IDO1: variants seen among roughly 807,000 people sequenced by gnomAD.
IDO1 encodes the protein indoleamine 2,3-dioxygenase 1, also known as indolamine 2,3 dioxygenase.
IDO1 carries 35 observed loss-of-function variants against 38.8 expected under a neutral mutation model. That is an observed-to-expected ratio of 0.90 (90% CI 0.69 to 1.20). The LOEUF (loss-of-function observed/expected upper bound fraction) is 1.20, where lower values mean the gene tolerates loss of function less well. IDO1 is among the 50% of genes most tolerant of loss of function. The pLI is 0.00. For synonymous variants in IDO1, 171 were observed against 170.0 expected (o/e 1.01, Z -0.05); for missense variants, 509 against 485.1 (o/e 1.05, Z -0.46).
intron 9 of IDO1, among the ~76,000 whole-genome samples, chr8:39,927,110 G>A (rs1035114170): frequency 6.6e-6 from 1 of 152,058 alleles, no homozygotes; most frequent in Admixed American, 6.6e-5. Flanking sequence ...CCATTGATGG[G>A]CACCTGGGTT....
Position 39,925,304 on chromosome 8 carries a change from T to C in IDO1, c.789T>C (p.Ser263=). The C allele has an allele frequency of 6.2e-7, 1 of 1,613,276 alleles. No individual in the cohort carries two copies. The change falls in exon 9 of 10, where the codon AGT becomes AGC. Residue 263 remains serine, a synonymous_variant. Coordinates refer to ENST00000518237, the MANE Select transcript of IDO1 (RefSeq NM_002164.6). ...WEDPKEFAGG[S]AGQSSVFQCF... is the part of the protein sequence containing the mutation. The stretch of plus-strand genomic sequence containing the variant: ...ACCCAAAGGAGTTTGCAGGGGGCAG[T>C]GCAGGCCAAAGCAGCGTCTTTCAGT...
intron 9 of IDO1, among the ~76,000 whole-genome samples, chr8:39,927,064 T>C (rs1476004081): frequency 6.6e-6 from 1 of 152,182 alleles, no homozygotes; most frequent in Non-Finnish European, 1.5e-5. Context: ...TAGTATTCCA[T>C]GGTGTACATG....
intron 9 of IDO1, among the ~76,000 whole-genome samples, chr8:39,926,494 G>C (rs1408203759): frequency 6.6e-6 from 1 of 152,134 alleles, no homozygotes; most frequent in African/African-American, 2.4e-5. Context: ...AAAGTTTAAA[G>C]GTGAGCCACA....
intron 9 of IDO1, among the ~76,000 whole-genome samples, chr8:39,927,303 G>A (rs1247056595): frequency 6.6e-6 from 1 of 152,208 alleles, no homozygotes; most frequent in African/African-American, 2.4e-5. Context: ...GCTCATGCCT[G>A]TAATCCCAGC....
intron 8 of IDO1, 69 bp downstream of exon 8, chr8:39,924,841 G>A (rs1807335711): frequency 8.7e-7 from 1 of 1,150,784 alleles, no homozygotes; most frequent in East Asian, 2.4e-5. Context: ...TCTCTTGGTT[G>A]GTCCCTAATA....
intron 1 of IDO1, 186 bp downstream of exon 1, chr8:39,914,195 A>C (rs1230783641): frequency 5.8e-5 from 31 of 535,408 alleles, no homozygotes; most frequent in Non-Finnish European, 8.7e-5. Context: ...TCTCCCTAGA[A>C]ATGGAGTCAT....
rs1159432826 is a variant in IDO1, at chr8:39,927,992, T to C, written c.1019T>C (p.Val340Ala). 6.2e-7 allele frequency: 1 copy of C among 1,605,360 alleles called. No individual in the cohort carries two copies. The highest frequency in any genetic ancestry group is 2.2e-5 in the East Asian group (1 of 44,706). ...EAYDACVKAL[V>A]SLRSYHLQIV... ...TATGACGCCTGTGTGAAAGCTCTGG[T>C]CTCCCTGAGGAGCTACCATCTGCAA... Residue 340 changes from valine to alanine, a missense_variant, in exon 10 of 10, where the codon GTC (valine) becomes GCC (alanine). Physicochemically the swap from Val to Ala is moderately conservative, Grantham distance 64. Transcript: ENST00000518237.
intron 7 of IDO1, among the ~76,000 whole-genome samples, chr8:39,924,381 T>A (rs1450396100): frequency 6.6e-6 from 1 of 152,132 alleles, no homozygotes; most frequent in Non-Finnish European, 1.5e-5. Flanking sequence ...TTAAAAATTT[T>A]AAAAATAGAG....
rs772970602 is a variant in IDO1, at chr8:39,923,516, T to G, written c.585T>G (p.Thr195=). The part of the protein sequence containing the change: ...FKAMQMQERD[T]LLKALLEIAS... ...CAATGCAAATGCAAGAACGGGACAC[T>G]TTGCTAAAGGCGCTGTTGGAAATAG... The change falls in exon 7 of 10, where the codon ACT becomes ACG. Residue 195 remains threonine (T), a synonymous_variant. Coordinates refer to ENST00000518237, the MANE Select transcript of IDO1 (RefSeq NM_002164.6). 6.2e-7 allele frequency: 1 copy of G among 1,613,780 alleles called. No individual in the cohort carries two copies. The highest frequency in any genetic ancestry group is 1.7e-5 in the Admixed American group (1 of 60,016).
At chr8:39,922,712 G>A (rs77622610) in intron 6 of IDO1, 61 bp downstream of exon 6, 46,829 of 1,106,552 alleles carry the variant, frequency 0.042, 1,151 homozygotes, top group Non-Finnish European at 0.052. Context: ...CAATCACTTC[G>A]GAGCCTAAAC....
At chr8:39,919,201 C>T (rs759615158) in intron 4 of IDO1, among the ~76,000 whole-genome samples, 1 of 152,138 alleles carries the variant, frequency 6.6e-6, no homozygotes, top group Non-Finnish European at 1.5e-5. Context: ...CATACATACA[C>T]CCACCATTCT....
intron 1 of IDO1, among the ~76,000 whole-genome samples, chr8:39,914,885 C>G (rs933298925): frequency 1.1e-4 from 17 of 152,158 alleles, no homozygotes; most frequent in African/African-American, 4.1e-4. Flanking sequence ...CCTGCCTCAG[C>G]CTCCCAAGTA....
intron 1 of IDO1, among the ~76,000 whole-genome samples, chr8:39,915,187 CAG>C (rs1477781975): frequency 6.6e-6 from 1 of 152,172 alleles, no homozygotes; most frequent in Admixed American, 6.5e-5. Flanking sequence ...AGCCTGTCTC[CAG>C]AGTCTATGAT....
chr8:39,923,701 G>T, intron 7 of IDO1, 115 bp downstream of exon 7: 1 of 597,992 alleles, frequency 1.7e-6, no homozygotes, highest in Non-Finnish European at 3.0e-6. Flanking sequence ...TTTCACTTTA[G>T]GTATTTTATC....
intron 4 of IDO1, 101 bp from the exon 5 acceptor site, chr8:39,919,999 T>C (rs926484949): frequency 8.0e-6 from 8 of 1,001,352 alleles, no homozygotes; most frequent in Admixed American, 3.5e-5. Context: ...CCTCTGATAG[T>C]AGCATTCAAT....
At chr8:39,924,444 T>C (rs1807327080) in intron 7 of IDO1, among the ~76,000 whole-genome samples, 1 of 152,180 alleles carries the variant, frequency 6.6e-6, no homozygotes, top group African/African-American at 2.4e-5. Flanking sequence ...TTTGTTTTTT[T>C]TTGTCTTTGG....
intron 6 of IDO1, 62 bp from the exon 7 acceptor site, chr8:39,923,402 TCAAAA>T (rs1563416626): frequency 2.8e-6 from 2 of 705,930 alleles, no homozygotes; most frequent in South Asian, 3.4e-5. Context: ...AGACTCCGTC[TCAAAA>T]AAAAAAAAAA....
At chr8:39,915,222 G>A (rs1037725267) in intron 1 of IDO1, among the ~76,000 whole-genome samples, 1 of 152,134 alleles carries the variant, frequency 6.6e-6, no homozygotes, top group African/African-American at 2.4e-5. Flanking sequence ...ATTCCACACT[G>A]CCTCTCTTAA....
intron 9 of IDO1, among the ~76,000 whole-genome samples, chr8:39,927,173 C>A (rs1410857820): frequency 6.6e-6 from 1 of 152,214 alleles, no homozygotes; most frequent in African/African-American, 2.4e-5. Context: ...ATCTCTTAAA[C>A]TCTCTTAAGA....
Sources: gnomAD v4.1 joint callset for allele counts (sites outside exome capture counted in the v4.1 genomes callset) on GRCh38, gnomAD v4.1.1 for gene constraint, MANE v1.5 for transcripts, NCBI Gene and HGNC (gene_info 2026-07-23, HGNC 2026-07-21) for gene names.